Variants in ESYT2 observed in about 807,000 individuals in gnomAD.
ESYT2 encodes extended synaptotagmin 2.
ESYT2 carries 54 observed loss-of-function variants against 107.2 expected under a neutral mutation model. The observed-to-expected ratio is 0.50, with a 90% CI of 0.40 to 0.63. The LOEUF is 0.63. Among genes scored for constraint, ESYT2 ranks in the 30% least tolerant of loss-of-function variants. The pLI is 0.00. For missense variants in ESYT2, 1,020 were observed against 1,094.5 expected (o/e 0.93, Z 0.96); for synonymous variants, 491 against 434.1 (o/e 1.13, Z -1.63).
At position 158,761,478 on chromosome 7, in the gene ESYT2, C is replaced by A; in HGVS notation, c.1233+18G>T. ...CAGTCAACAATTGTAAACAGACCCA[C>A]ACTCCAGGGAAACTTACTTCATCTA... On this transcript the variant is annotated intron_variant, in intron 11 of 22. Transcript: ENST00000275418. 3.7e-6 allele frequency: 6 copies of A among 1,613,648 alleles called. No individual in the cohort carries two copies. Among genetic ancestry groups the A allele is most frequent in the Non-Finnish European group, 5.1e-6 (6 of 1,179,608 alleles).
At chr7:158,767,910 G>A in intron 7 of ESYT2, 136 bp from the exon 8 acceptor site, 1 of 981,546 alleles carries the variant, frequency 1.0e-6, no homozygotes, top group Non-Finnish European at 1.4e-6. Context: ...CATTCCTCCA[G>A]TGCAATATTT....
chr7:158,738,161 A>C (rs1316763478), intron 19 of ESYT2, among the ~76,000 whole-genome samples: 1 of 151,948 alleles, frequency 6.6e-6, no homozygotes. Flanking sequence ...TAAAAATACA[A>C]GTTAGTCGGA....
chr7:158,829,032 C>G (rs1430569149), intron 1 of ESYT2, 57 bp downstream of exon 1: 1 of 1,548,294 alleles, frequency 6.5e-7, no homozygotes, highest in Non-Finnish European at 8.6e-7. Context: ...CCTGCCTGGA[C>G]GAGGGGAGAT....
intron 1 of ESYT2, among the ~76,000 whole-genome samples, chr7:158,813,467 A>G (rs1425104145): frequency 6.6e-6 from 1 of 152,232 alleles, no homozygotes; most frequent in African/African-American, 2.4e-5. Flanking sequence ...AGACATAGCA[A>G]AGGAAGTTGT....
intron 4 of ESYT2, among the ~76,000 whole-genome samples, chr7:158,793,445 C>T (rs926319297): frequency 2.0e-5 from 3 of 151,512 alleles, no homozygotes; most frequent in Non-Finnish European, 2.9e-5. Context: ...TCTTATTTAA[C>T]ATATTTTATG....
At chr7:158,734,527 G>A (rs531978773) in intron 21 of ESYT2, 56 bp from the exon 22 acceptor site, 117 of 1,515,460 alleles carry the variant, frequency 7.7e-5, no homozygotes, top group East Asian at 4.5e-4. Flanking sequence ...ACTGGCTCCC[G>A]TCTGTAATCC....
intron 1 of ESYT2, among the ~76,000 whole-genome samples, chr7:158,824,424 A>T (rs1840377112): frequency 6.6e-6 from 1 of 152,346 alleles, no homozygotes; most frequent in South Asian, 2.1e-4. Flanking sequence ...CACTGAGAAT[A>T]AAAAAATATT....
chr7:158,789,504 G>C (rs1362278190), intron 4 of ESYT2, among the ~76,000 whole-genome samples: 3 of 152,020 alleles, frequency 2.0e-5, no homozygotes, highest in African/African-American at 7.2e-5. Context: ...TTACAGGTGT[G>C]TGCCACTACG....
Position 158,741,889 on chromosome 7 carries a change from T to C in ESYT2, c.1802A>G (p.His601Arg), listed in dbSNP as rs1367116389. 3.1e-6 allele frequency: 5 copies of C among 1,602,502 alleles called. No individual in the cohort carries two copies. The Admixed American group carries it at 6.9e-5, about 22-fold the overall frequency. Residue 601 changes from histidine (H) to arginine (R), a missense_variant, in exon 18 of 23, where the codon CAT becomes CGT. Coordinates refer to ENST00000275418, the MANE Select transcript of ESYT2 (RefSeq NM_001367773.1). ...TGGAGGCCTTTCTCGCTTTTCGAGA[T>C]GGAGCACCTAGAGGTGGACATAAAC... ...IKMKIALRVL[H>R]LEKRERPPDH...
At chr7:158,748,066 A>G in intron 16 of ESYT2, 128 bp downstream of exon 16, 1 of 791,372 alleles carries the variant, frequency 1.3e-6, no homozygotes, top group Non-Finnish European at 2.0e-6. Flanking sequence ...TTACAGAGAG[A>G]TCTACCAATT....
At chr7:158,773,134 C>T (rs977958656) in intron 7 of ESYT2, among the ~76,000 whole-genome samples, 2 of 152,130 alleles carry the variant, frequency 1.3e-5, no homozygotes, top group Admixed American at 1.3e-4. Context: ...AGAGCCCTCC[C>T]GCCCTGGCCC....
chr7:158,739,229 G>T (rs1837098664), intron 18 of ESYT2, 108 bp from the exon 19 acceptor site: 1 of 924,070 alleles, frequency 1.1e-6, no homozygotes, highest in African/African-American at 1.7e-5. Context: ...TAGACAAAAA[G>T]AAGTCAAATT....
chr7:158,817,697 A>G (rs1840184388), intron 1 of ESYT2, among the ~76,000 whole-genome samples: 1 of 152,278 alleles, frequency 6.6e-6, no homozygotes, highest in Non-Finnish European at 1.5e-5. Context: ...AGACTATGTC[A>G]CCAGCATCCT....
chr7:158,776,587 A>C (rs779411947), intron 6 of ESYT2, among the ~76,000 whole-genome samples: 5 of 152,214 alleles, frequency 3.3e-5, no homozygotes, highest in Non-Finnish European at 5.9e-5. Flanking sequence ...AGAAGTGAAG[A>C]TAGTTAGGAC....
chr7:158,793,511 G>A, intron 4 of ESYT2, 139 bp downstream of exon 4: 1 of 671,716 alleles, frequency 1.5e-6, no homozygotes, highest in Non-Finnish European at 2.6e-6. Context: ...ATAATATTTG[G>A]ATGTCTAACA....
At chr7:158,738,326 AAT>A (rs1326872349) in intron 19 of ESYT2, among the ~76,000 whole-genome samples, 1 of 93,572 alleles carries the variant, frequency 1.1e-5, no homozygotes, top group East Asian at 4.6e-4. Context: ...AAAAAAAAAA[AAT>A]ACACACACAC....
Position 158,777,248 on chromosome 7 carries a change from ATTG to A in ESYT2, c.748-3855_748-3853del, listed in dbSNP as rs201293207. 7.6e-3 allele frequency among the ~76,000 whole-genome samples: 1,153 copies of A among 152,240 alleles called. 20 individuals are homozygous for A. The highest frequency in any genetic ancestry group is 0.026 in the African/African-American group (1,087 of 41,538). ...TTGTGAATTCGCCTAAAATTTCAAT[ATTG>A]TTGTGTCTCAGGGAATAGGGAGATC... On this transcript the variant is annotated intron_variant, in intron 6 of 22. Coordinates refer to ENST00000275418, the MANE Select transcript of ESYT2 (RefSeq NM_001367773.1).
At chr7:158,816,794 T>G (rs1461530061) in intron 1 of ESYT2, among the ~76,000 whole-genome samples, 1 of 152,222 alleles carries the variant, frequency 6.6e-6, no homozygotes, top group Non-Finnish European at 1.5e-5. Flanking sequence ...TTTCTACTAG[T>G]TACTGGATAA....
At chr7:158,759,993 G>C (rs758802783) in intron 12 of ESYT2, 65 bp downstream of exon 12, 4 of 1,444,854 alleles carry the variant, frequency 2.8e-6, no homozygotes, top group Non-Finnish European at 3.9e-6. Flanking sequence ...ACAACTGAGA[G>C]ACCAAGCTCA....
Sources: gnomAD v4.1 joint callset for allele counts (sites outside exome capture counted in the v4.1 genomes callset) on GRCh38, gnomAD v4.1.1 for gene constraint, MANE v1.5 for transcripts, NCBI Gene and HGNC (gene_info 2026-07-23, HGNC 2026-07-21) for gene names.